Variants in XPNPEP2 observed in about 807,000 individuals in gnomAD.
The protein encoded by XPNPEP2 is X-prolyl aminopeptidase 2.
Under a neutral mutation model 59.8 loss-of-function variants are expected in XPNPEP2, and 64 were observed. That is an observed-to-expected ratio of 1.07 (90% confidence interval 0.87 to 1.32). The LOEUF is 1.32. Ranked by LOEUF, XPNPEP2 falls within the 40% of genes most tolerant of loss-of-function variation. XPNPEP2 has a pLI of 0.00. For missense variants in XPNPEP2, 575 were observed against 546.8 expected, an observed-to-expected ratio of 1.05 and a Z score of -0.51; for synonymous variants, 235 against 210.0, an observed-to-expected ratio of 1.12 and a Z score of -1.03.
At chrX:129,760,059 C>T (rs1169078635) in intron 15 of XPNPEP2, among the ~76,000 whole-genome samples, 2 of 112,430 alleles carry the variant, frequency 1.8e-5, no homozygotes, top group Admixed American at 1.9e-4. Context: ...ACGCTGTTGG[C>T]AGCACCTTCT....
Position 129,769,255 on chromosome X carries a change from A to T in XPNPEP2, c.*770A>T, listed in dbSNP as rs1926810566. ...GGATGCCCCTTCACCTTGTGTGGAC[A>T]GTGTCTGGTTTCTCCATTTTACAGA... On this transcript the variant is annotated 3_prime_UTR_variant, in exon 21 of 21. Coordinates refer to ENST00000371106, the MANE Select transcript of XPNPEP2 (RefSeq NM_003399.6). 1.8e-5 allele frequency: 2 copies of T among 112,525 alleles called. No homozygotes were observed. Among genetic ancestry groups the T allele is most frequent in the African/African-American group, 6.5e-5 (2 of 30,948 alleles). The allele number at this position is 112,525 out of a possible 1,213,427, so 9.3% of individuals were successfully genotyped here. A position where few individuals can be genotyped will look rare whatever the true frequency, so the allele number is the denominator to read the frequency against.
intron 7 of XPNPEP2, among the ~76,000 whole-genome samples, chrX:129,748,789 G>GA (rs1325132630): frequency 9.0e-6 from 1 of 111,401 alleles, no homozygotes; most frequent in Admixed American, 9.5e-5. Context: ...AAGGGGAAGG[G>GA]AAAAAAGAAA....
At chrX:129,757,885 GAGAGAGAGAGAAAGAAAGAA>G (rs1399509569) in intron 14 of XPNPEP2, among the ~76,000 whole-genome samples, 30 of 81,954 alleles carry the variant, frequency 3.7e-4, no homozygotes, top group African/African-American at 1.4e-3. Context: ...GAGAGAGAGA[GAGAGAGAGAGAAAGAAAGAA>G]AGAAAGAAAG....
chrX:129,750,422 G>A (rs1210579641), intron 7 of XPNPEP2, 46 bp from the exon 8 acceptor site: 1 of 1,087,517 alleles, frequency 9.2e-7, no homozygotes, highest in East Asian at 3.2e-5. Flanking sequence ...GAGTGCCAAA[G>A]GCAAGGTCTG....
intron 14 of XPNPEP2, among the ~76,000 whole-genome samples, chrX:129,757,869 GAGAA>G (rs1277980366): frequency 4.1e-4 from 25 of 61,572 alleles, no homozygotes; most frequent in African/African-American, 1.4e-3. Context: ...GAGGGAGAGA[GAGAA>G]AGAGAGAGAG....
At chrX:129,768,173 G>A in intron 20 of XPNPEP2, 118 bp from the exon 21 acceptor site, 1 of 688,712 alleles carries the variant, frequency 1.5e-6, no homozygotes, top group Non-Finnish European at 2.1e-6. Context: ...TGGGGGACCT[G>A]TGGCCATCTG....
At position 129,768,327 on chromosome X, in the gene XPNPEP2, G is replaced by A. The variant is rs866243894; in HGVS notation, c.1867G>A (p.Glu623Lys). ...GAATCGCTACTACCAGACCATCCGG[G>A]AGAAGGTGGGTCCAGAGCTGCAGAG... is the stretch of plus-strand genomic sequence containing the variant. ...YLNRYYQTIR[E>K]KVGPELQRRQ... Residue 623 changes from glutamate to lysine, a missense_variant, in exon 21 of 21, where the codon GAG (glutamate) becomes AAG (lysine). Glu to Lys is a moderately conservative substitution (Grantham distance 56). Transcript: ENST00000371106. 1 of 1,198,235 alleles carries A rather than the reference G, an allele frequency of 8.3e-7. No individual in the cohort carries two copies. The highest frequency in any genetic ancestry group is 1.1e-6 in the Non-Finnish European group (1 of 889,722).
intron 15 of XPNPEP2, 29 bp from the exon 16 acceptor site, chrX:129,760,483 T>G: frequency 8.3e-7 from 1 of 1,202,235 alleles, no homozygotes; most frequent in Non-Finnish European, 1.1e-6. Flanking sequence ...CCTCCCGTCC[T>G]CCATATCACC....
At chrX:129,758,792 C>G (rs1298512976) in intron 14 of XPNPEP2, among the ~76,000 whole-genome samples, 1 of 111,877 alleles carries the variant, frequency 8.9e-6, no homozygotes, top group Non-Finnish European at 1.9e-5. Flanking sequence ...AATATAATCT[C>G]TCTGGACCTC....
At chrX:129,744,989 A>G (rs187056420) in intron 3 of XPNPEP2, among the ~76,000 whole-genome samples, 1 of 111,373 alleles carries the variant, frequency 9.0e-6, no homozygotes, top group African/African-American at 3.3e-5. Flanking sequence ...GGGGAGTTGA[A>G]CTGCAAAAGA....
intron 1 of XPNPEP2, among the ~76,000 whole-genome samples, chrX:129,740,628 CAA>C (rs369336961): frequency 6.1e-5 from 5 of 81,809 alleles, no homozygotes. Flanking sequence ...GACTCCATCT[CAA>C]AAAAAAAAAA....
chrX:129,760,272 T>A (rs928159795), intron 15 of XPNPEP2, among the ~76,000 whole-genome samples: 2 of 112,523 alleles, frequency 1.8e-5, no homozygotes, highest in African/African-American at 3.2e-5. Flanking sequence ...ATTGTAATGA[T>A]CCTCATAGAC....
chrX:129,753,557 C>T (rs1255521008), intron 11 of XPNPEP2, among the ~76,000 whole-genome samples: 1 of 110,954 alleles, frequency 9.0e-6, no homozygotes, highest in Non-Finnish European at 1.9e-5. Flanking sequence ...GCACGAGAAT[C>T]GCTTGAACCT....
At chrX:129,747,849 A>G in intron 7 of XPNPEP2, 96 bp downstream of exon 7, 1 of 1,162,465 alleles carries the variant, frequency 8.6e-7, no homozygotes, top group African/African-American at 1.8e-5. Flanking sequence ...GAGGTACCAA[A>G]GCAGTGGTTT....
intron 6 of XPNPEP2, 155 bp downstream of exon 6, chrX:129,746,836 G>A: frequency 2.0e-6 from 1 of 502,769 alleles, no homozygotes; most frequent in South Asian, 3.0e-5. Flanking sequence ...TTTGCAATGA[G>A]GATGTATTCA....
intron 11 of XPNPEP2, among the ~76,000 whole-genome samples, chrX:129,754,182 G>A (rs750457229): frequency 9.0e-6 from 1 of 111,534 alleles, no homozygotes; most frequent in East Asian, 2.8e-4. Flanking sequence ...TTCTTGTCTT[G>A]TCTATAACCC....
At chrX:129,742,768 G>T (rs1174136262) in intron 2 of XPNPEP2, among the ~76,000 whole-genome samples, 1 of 111,679 alleles carries the variant, frequency 9.0e-6, no homozygotes, top group Non-Finnish European at 1.9e-5. Flanking sequence ...CAGGCATGGT[G>T]GCGGGTGCCT....
Position 129,752,326 on chromosome X carries a change from T to C in XPNPEP2, c.998T>C (p.Ile333Thr). Residue 333 changes from isoleucine to threonine, a missense_variant, in exon 10 of 21, where the codon ATC (isoleucine) becomes ACC (threonine). Coordinates refer to ENST00000371106, the MANE Select transcript of XPNPEP2 (RefSeq NM_003399.6). ...WIGTSYTMYG[I>T]YEMIPKEKLV... Reference sequence around the variant, plus strand: ...GGGACCAGCTATACCATGTATGGGATCTATGAAATGATACCCAAGGTGGGT... The same window carrying C: ...GGGACCAGCTATACCATGTATGGGACCTATGAAATGATACCCAAGGTGGGT... The C allele has an allele frequency of 8.3e-7, 1 of 1,210,893 alleles. No homozygotes were observed. The highest frequency in any genetic ancestry group is 1.1e-6 in the Non-Finnish European group (1 of 895,121).
At chrX:129,753,441 G>A (rs1170352061) in intron 11 of XPNPEP2, among the ~76,000 whole-genome samples, 193 bp downstream of exon 11, 2 of 111,534 alleles carry the variant, frequency 1.8e-5, no homozygotes, top group Middle Eastern at 4.6e-3. Context: ...TCAGGAGTCC[G>A]AGAGCAGCCT....
Sources: gnomAD v4.1 joint callset for allele counts (sites outside exome capture counted in the v4.1 genomes callset) on GRCh38, gnomAD v4.1.1 for gene constraint, MANE v1.5 for transcripts, NCBI Gene and HGNC (gene_info 2026-07-23, HGNC 2026-07-21) for gene names.